Variants in LINGO1 observed in about 807,000 individuals in gnomAD.
LINGO1 encodes leucine-rich repeat and immunoglobulin-like domain-containing nogo receptor-interacting protein 1.
A neutral mutation model predicts 37.3 loss-of-function variants in LINGO1; 11 were observed. That is an observed-to-expected ratio of 0.29 (90% CI 0.19 to 0.49). LINGO1 has a LOEUF of 0.49. LINGO1 is among the 20% of genes least tolerant of loss of function. The pLI, the probability that LINGO1 is intolerant of heterozygous loss-of-function variation, is 0.99. For synonymous variants in LINGO1, 387 were observed against 403.0 expected (o/e 0.96, Z 0.48); for missense variants, 585 against 878.2 (o/e 0.67, Z 4.22).
chr15:77,629,557 G>C (rs2074192548), intron 1 of LINGO1, among the ~76,000 whole-genome samples: 1 of 152,096 alleles, frequency 6.6e-6, no homozygotes, highest in Non-Finnish European at 1.5e-5. Flanking sequence ...TGCCTGTGTG[G>C]GCTACTGAGT....
chr15:77,660,521 C>T (rs764147426), intron 3 of LINGO1, among the ~76,000 whole-genome samples: 1 of 152,234 alleles, frequency 6.6e-6, no homozygotes, highest in Non-Finnish European at 1.5e-5. Context: ...TTTGCAGCAA[C>T]AGCTGGGCTC....
chr15:77,635,248 C>T (rs1301802662), upstream of LINGO1, among the ~76,000 whole-genome samples: 4 of 152,222 alleles, frequency 2.6e-5, no homozygotes. Flanking sequence ...CTCCAAAAGA[C>T]ATGACCCCTC....
At chr15:77,626,918 G>A (rs2074107274) in intron 1 of LINGO1, among the ~76,000 whole-genome samples, 1 of 151,926 alleles carries the variant, frequency 6.6e-6, no homozygotes, top group Non-Finnish European at 1.5e-5. Flanking sequence ...CCCCCGTGTT[G>A]CATCCAAGTA....
At chr15:77,744,472 T>C (rs2141354224) in intron 1 of LINGO1, among the ~76,000 whole-genome samples, 1 of 152,284 alleles carries the variant, frequency 6.6e-6, no homozygotes, top group South Asian at 2.1e-4. Flanking sequence ...AGGTTGAGGC[T>C]GCACTGCGCC....
At chr15:77,634,128 C>T (rs2074346688), upstream of LINGO1, 1 of 404,792 alleles carries the variant, frequency 2.5e-6, no homozygotes, top group South Asian at 1.8e-5. Flanking sequence ...GCTGGAATCC[C>T]AGTTCCAGTG....
chr15:77,644,737 C>T (rs2074585779), intron 3 of LINGO1, among the ~76,000 whole-genome samples: 1 of 152,178 alleles, frequency 6.6e-6, no homozygotes, highest in Non-Finnish European at 1.5e-5. Flanking sequence ...GAAGTGGCTG[C>T]TGTGCCCATT....
chr15:77,632,275 C>A lies in LINGO1; in HGVS notation c.6+35G>T. The A allele has an allele frequency of 1.4e-6, 2 of 1,398,568 alleles. No homozygotes were observed. The highest frequency in any genetic ancestry group is 3.1e-5 in the South Asian group (2 of 64,578). The allele number at this position is 1,398,568 out of a possible 1,614,324, so 86.6% of individuals were successfully genotyped here. On this transcript the variant is annotated intron_variant, in intron 1 of 1. Transcript: ENST00000355300. The surrounding 1 kb of genome is among the most constrained non-coding windows in gnomAD (Gnocchi z 6.0). ...CCCAGGGGCACTCGCCGCGGGGCTG[C>A]CCGCTCGGGGCTCGGCCGCGGCCGC...
rs1354257043 is a variant in LINGO1 at position 77,613,893 on chromosome 15, C to T, written c.*151G>A. On this transcript the variant is annotated 3_prime_UTR_variant, in exon 2 of 2. Transcript: ENST00000355300. ...AAGGAGGGCAGGTGGTGAGGGCTGGCGGGGGGCAGCAGGGGACGGAGGCGG... is the reference window on the plus strand; with the variant it reads ...AAGGAGGGCAGGTGGTGAGGGCTGGTGGGGGGCAGCAGGGGACGGAGGCGG... 12 of 675,402 alleles carry T rather than the reference C, an allele frequency of 1.8e-5. No homozygotes were observed. The highest frequency in any genetic ancestry group is 6.3e-5 in the Admixed American group (2 of 31,788). The allele number at this position is 675,402 out of a possible 1,614,324, so 41.8% of individuals were successfully genotyped here. A position where few individuals can be genotyped will look rare whatever the true frequency, so the allele number is the denominator to read the frequency against.
intron 2 of LINGO1, among the ~76,000 whole-genome samples, chr15:77,792,119 C>A (rs892777459): frequency 1.3e-5 from 2 of 152,160 alleles, no homozygotes; most frequent in Admixed American, 6.5e-5. Flanking sequence ...GATGCCGGCA[C>A]CTCAAACACT....
intron 1 of LINGO1, among the ~76,000 whole-genome samples, chr15:77,759,901 C>G (rs1161255371): frequency 1.3e-5 from 2 of 152,232 alleles, no homozygotes; most frequent in Admixed American, 6.5e-5. Context: ...CGTGGGGAGC[C>G]TGGCACCTGA....
At chr15:77,743,382 C>T (rs1023367205) in intron 1 of LINGO1, among the ~76,000 whole-genome samples, 1 of 152,174 alleles carries the variant, frequency 6.6e-6, no homozygotes, top group African/African-American at 2.4e-5. Flanking sequence ...TCCCCCATTA[C>T]AGGGAGTCAA....
chr15:77,702,170 G>C (rs2075792344), intron 2 of LINGO1, among the ~76,000 whole-genome samples: 1 of 152,190 alleles, frequency 6.6e-6, no homozygotes, highest in African/African-American at 2.4e-5. Flanking sequence ...ATTGGCAGTG[G>C]ATGGTAGGGC....
At chr15:77,709,667 C>T (rs1163039905) in intron 2 of LINGO1, among the ~76,000 whole-genome samples, 1 of 152,368 alleles carries the variant, frequency 6.6e-6, no homozygotes, top group African/African-American at 2.4e-5. Context: ...AAGGTCTTTC[C>T]CAACTCTCTC....
intron 1 of LINGO1, among the ~76,000 whole-genome samples, chr15:77,774,226 C>A (rs967068254): frequency 6.6e-6 from 1 of 152,038 alleles, no homozygotes; most frequent in Non-Finnish European, 1.5e-5. Context: ...CACAGGTGAG[C>A]GGGGGAATGG....
chr15:77,709,463 A>G (rs1483304472), intron 2 of LINGO1, among the ~76,000 whole-genome samples: 2 of 152,244 alleles, frequency 1.3e-5, no homozygotes, highest in African/African-American at 4.8e-5. Context: ...GTGGCCAGTC[A>G]GGGACAGCGG....
At chr15:77,766,103 A>G (rs1332456003) in intron 1 of LINGO1, among the ~76,000 whole-genome samples, 2 of 152,126 alleles carry the variant, frequency 1.3e-5, no homozygotes, top group East Asian at 1.9e-4. Context: ...CAAACAGGGA[A>G]GCAAACAGAA....
At chr15:77,791,506 T>C (rs1248599114), upstream of LINGO1, among the ~76,000 whole-genome samples, 2 of 151,712 alleles carry the variant, frequency 1.3e-5, no homozygotes, top group South Asian at 2.1e-4. Context: ...AGTCACCTGT[T>C]GGAAAGAAGG....
chr15:77,646,051 T>C (rs1596040660), intron 3 of LINGO1, among the ~76,000 whole-genome samples: 1 of 151,896 alleles, frequency 6.6e-6, no homozygotes, highest in Non-Finnish European at 1.5e-5. Flanking sequence ...GGCTGGGGAG[T>C]GGGCGAGATA....
At chr15:77,725,053 C>T (rs1325324201) in intron 2 of LINGO1, among the ~76,000 whole-genome samples, 1 of 152,218 alleles carries the variant, frequency 6.6e-6, no homozygotes, top group Non-Finnish European at 1.5e-5. Flanking sequence ...ACCTCACGCC[C>T]ATACCCACCC....
Sources: gnomAD v4.1 joint callset for allele counts (sites outside exome capture counted in the v4.1 genomes callset) on GRCh38, gnomAD v4.1.1 for gene constraint, Gnocchi (gnomAD v3.1) non-coding constraint, MANE v1.5 for transcripts, NCBI Gene and HGNC (gene_info 2026-07-23, HGNC 2026-07-21) for gene names.